The following BCAS3 variants were observed in gnomAD, a reference collection of about 807,000 sequenced individuals.
BCAS3 encodes the protein BCAS3 microtubule associated cell migration factor, also known as BCAS4/BCAS3 fusion.
A neutral mutation model predicts 116.1 loss-of-function variants in BCAS3; 53 were observed. That is an observed-to-expected ratio of 0.46 (90% CI 0.37 to 0.57). The LOEUF (loss-of-function observed/expected upper bound fraction) is 0.57, where lower values mean the gene tolerates loss of function less well. Ranked by LOEUF, BCAS3 falls within the 20% of genes least tolerant of loss-of-function variation. The pLI, the probability that BCAS3 is intolerant of heterozygous loss-of-function variation, is 0.00. For synonymous variants in BCAS3, 391 were observed against 408.2 expected (o/e 0.96, Z 0.51); for missense variants, 917 against 1,165.4 (o/e 0.79, Z 3.10).
At position 61,084,835 on chromosome 17, in the gene BCAS3, T is replaced by C. The variant is rs2143540706; in HGVS notation, c.2425+271T>C. Among the ~76,000 whole-genome samples the C allele has an allele frequency of 6.6e-6, 1 of 152,354 alleles. No individual in the cohort carries two copies. Among genetic ancestry groups the C allele is most frequent in the Admixed American group, 6.5e-5 (1 of 15,312 alleles). Reference sequence around the variant, plus strand: ...TTGAAGGCTACAGGGTTGATGACTGTTTTGCCTTTGATCACTGAAATGTGG... The same window carrying C: ...TTGAAGGCTACAGGGTTGATGACTGCTTTGCCTTTGATCACTGAAATGTGG... On this transcript the variant is annotated intron_variant, in intron 22 of 23. Transcript: ENST00000407086. The surrounding 1 kb of genome is among the most constrained non-coding windows in gnomAD (Gnocchi z 5.5).
In BCAS3 at chr17:61,171,375, T is replaced by A. The variant is rs370448531; in HGVS notation, c.2425+86811T>A. ...CACATGGGAACCAAAAAGAAAAAAA[T>A]GGAACAAAGAATAAATGTATGAACT... On this transcript the variant is annotated intron_variant, in intron 22 of 23. Transcript: ENST00000407086. This position sits in a 1 kb window ranked among gnomAD's most constrained non-coding sequence, Gnocchi z 4.1. Among the ~76,000 whole-genome samples the A allele has an allele frequency of 7.1e-6, 1 of 141,726 alleles. No homozygotes were observed. Among genetic ancestry groups the A allele is most frequent in the Non-Finnish European group, 1.6e-5 (1 of 63,434 alleles). 93.0% of individuals were successfully genotyped at this position (141,726 alleles called of 152,430 possible). A position where few individuals can be genotyped will look rare whatever the true frequency, so the allele number is the denominator to read the frequency against.
intron 22 of BCAS3, among the ~76,000 whole-genome samples, chr17:61,110,143 A>G (rs1197949564): frequency 2.6e-5 from 4 of 152,228 alleles, no homozygotes; most frequent in Admixed American, 1.3e-4. Flanking sequence ...AGAGAAGAGC[A>G]TGCAGTTTCA....
At chr17:61,150,473 G>C (rs756581926) in intron 22 of BCAS3, among the ~76,000 whole-genome samples, 4 of 152,164 alleles carry the variant, frequency 2.6e-5, no homozygotes, top group Non-Finnish European at 5.9e-5. Context: ...CACCACCCAC[G>C]TGCACTGAAA....
intron 22 of BCAS3, among the ~76,000 whole-genome samples, chr17:61,240,890 C>G (rs2047454077): frequency 6.6e-6 from 1 of 152,072 alleles, no homozygotes; most frequent in Non-Finnish European, 1.5e-5. Flanking sequence ...TTAAAAGGTA[C>G]CAAGGGCTGT....
chr17:60,785,114 A>G (rs1476058771), intron 6 of BCAS3, among the ~76,000 whole-genome samples: 1 of 152,142 alleles, frequency 6.6e-6, no homozygotes, highest in East Asian at 1.9e-4. Context: ...AAAAGTATCT[A>G]GCAATCCCAA....
At chr17:61,117,777 C>T (rs570931520) in intron 22 of BCAS3, among the ~76,000 whole-genome samples, 1 of 152,208 alleles carries the variant, frequency 6.6e-6, no homozygotes. Context: ...CCTGCCACCC[C>T]CTACATGCAT....
intron 22 of BCAS3, among the ~76,000 whole-genome samples, chr17:61,275,541 G>T (rs144409576): frequency 6.6e-6 from 1 of 151,888 alleles, no homozygotes; most frequent in East Asian, 1.9e-4. Context: ...TCACCTTGTC[G>T]CCCAGGCTGG....
intron 23 of BCAS3, among the ~76,000 whole-genome samples, chr17:61,386,031 T>A (rs1049678758): frequency 6.6e-6 from 1 of 152,196 alleles, no homozygotes; most frequent in African/African-American, 2.4e-5. Context: ...TCACAATGAC[T>A]AATCCGATTG....
In BCAS3 at chr17:61,315,563, G is replaced by A. The variant is rs374973365; in HGVS notation, c.2426-52764G>A. Among the ~76,000 whole-genome samples the A allele has an allele frequency of 3.3e-5, 5 of 152,186 alleles. No individual in the cohort carries two copies. The highest frequency in any genetic ancestry group is 4.1e-4 in the South Asian group (2 of 4,826). On this transcript the variant is annotated intron_variant, in intron 22 of 23. Transcript: ENST00000407086. This position sits in a 1 kb window ranked among gnomAD's most constrained non-coding sequence, Gnocchi z 5.3. ...AGGTTGCACAGCGTCGCTGGTTAAT[G>A]GCAAAGCCCAGGTATGGGCCAGTGA...
rs115263487 is a variant in BCAS3, at chr17:61,334,141, A to G, written c.2426-34186A>G. ...ATATGTAGACAGATGATCATGATAC[A>G]GTAGAAGTATCAACAAAGAGCTTCT... On this transcript the variant is annotated intron_variant, in intron 22 of 23. Transcript: ENST00000407086. Among the ~76,000 whole-genome samples, 282 of 152,362 alleles carry G rather than the reference A, an allele frequency of 1.9e-3. 1 individual carries two copies. Among genetic ancestry groups the G allele is most frequent in the African/African-American group, 6.3e-3 (264 of 41,592 alleles).
At position 60,723,440 on chromosome 17, in the gene BCAS3, C is replaced by T. The variant is rs111867817; in HGVS notation, c.321+14115C>T. On this transcript the variant is annotated intron_variant, in intron 5 of 23. Coordinates refer to ENST00000407086, the MANE Select transcript of BCAS3 (RefSeq NM_017679.5). Reference sequence around the variant, plus strand: ...GGGGTTTTGGCATGTTGGCCAGGCTCTTCTCAAACTCCTGGCCTCAAGTGA... The same window carrying T: ...GGGGTTTTGGCATGTTGGCCAGGCTTTTCTCAAACTCCTGGCCTCAAGTGA... 8.2e-3 allele frequency among the ~76,000 whole-genome samples: 1,252 copies of T among 151,976 alleles called. 9 individuals carry two copies. The highest frequency in any genetic ancestry group is 0.021 in the African/African-American group (876 of 41,470).
Position 61,222,884 on chromosome 17 carries a change from C to T in BCAS3, c.2425+138320C>T, listed in dbSNP as rs774684650. ...GATTTCCTTTGCTTTCATGTTTGCT[C>T]CCTTTCTGAAAGATGGGGGTTGTAA... On this transcript the variant is annotated intron_variant, in intron 22 of 23. Transcript: ENST00000407086. This position sits in a 1 kb window ranked among gnomAD's most constrained non-coding sequence, Gnocchi z 6.1. Among the ~76,000 whole-genome samples the T allele has an allele frequency of 7.2e-5, 11 of 152,066 alleles. No homozygotes were observed. Among genetic ancestry groups the T allele is most frequent in the Non-Finnish European group, 1.5e-4 (10 of 68,032 alleles).
chr17:60,928,223 G>A (rs138682563), intron 13 of BCAS3, among the ~76,000 whole-genome samples: 103 of 152,254 alleles, frequency 6.8e-4, no homozygotes, highest in African/African-American at 2.2e-3. Context: ...GTGGAGGAAG[G>A]ACAGCATGCT....
chr17:60,771,951 A>G (rs368974374), intron 6 of BCAS3, among the ~76,000 whole-genome samples: 1 of 152,260 alleles, frequency 6.6e-6, no homozygotes, highest in East Asian at 1.9e-4. Flanking sequence ...AATCCAGTCT[A>G]TCATTGATGG....
chr17:60,744,656 C>T (rs1598418004), intron 5 of BCAS3, among the ~76,000 whole-genome samples: 1 of 152,236 alleles, frequency 6.6e-6, no homozygotes, highest in East Asian at 1.9e-4. Context: ...TTAATATATT[C>T]AGAAATATCT....
At chr17:61,129,178 G>A (rs1231127881) in intron 22 of BCAS3, among the ~76,000 whole-genome samples, 1 of 152,006 alleles carries the variant, frequency 6.6e-6, no homozygotes, top group African/African-American at 2.4e-5. Context: ...GGAAATTAAA[G>A]GAGAAGGGCC....
At chr17:60,992,230 A>ACACTCT (rs748676282) in intron 15 of BCAS3, among the ~76,000 whole-genome samples, 4 of 147,114 alleles carry the variant, frequency 2.7e-5, no homozygotes, top group African/African-American at 7.7e-5. Flanking sequence ...ACACACACAC[A>ACACTCT]CTCTGTAGGA....
At chr17:61,050,920 A>G (rs761207579) in intron 19 of BCAS3, among the ~76,000 whole-genome samples, 3 of 152,058 alleles carry the variant, frequency 2.0e-5, no homozygotes, top group African/African-American at 4.8e-5. Flanking sequence ...TTCAAGTCAT[A>G]CAAAGTATAT....
At chr17:60,858,520 T>C (rs919701867) in intron 7 of BCAS3, among the ~76,000 whole-genome samples, 1 of 152,234 alleles carries the variant, frequency 6.6e-6, no homozygotes, top group Non-Finnish European at 1.5e-5. Context: ...TTTTAAATGC[T>C]GAGTACTTTT....
Sources: allele counts gnomAD v4.1 joint callset (sites outside exome capture counted in the v4.1 genomes callset), GRCh38; gene constraint gnomAD v4.1.1; non-coding constraint Gnocchi (gnomAD v3.1); transcripts MANE v1.5; gene names NCBI Gene and HGNC (gene_info 2026-07-23, HGNC 2026-07-21).